The following B4GALT1 variants were observed in gnomAD, a reference collection of about 807,000 sequenced individuals.
B4GALT1 encodes N-acetyllactosamine synthase.
A neutral mutation model predicts 34.9 loss-of-function variants in B4GALT1; 16 were observed. That is an observed-to-expected ratio of 0.46 (90% CI 0.31 to 0.70). The LOEUF (loss-of-function observed/expected upper bound fraction) is 0.70. Ranked by LOEUF, B4GALT1 falls within the 30% of genes least tolerant of loss-of-function variation. The probability of loss-of-function intolerance (pLI) is 0.05; values close to 1 mark genes in which losing one functional copy is unlikely to be tolerated. For synonymous variants in B4GALT1, 221 were observed against 218.1 expected, an observed-to-expected ratio of 1.01 and a Z score of -0.12; for missense variants, 445 against 530.5, an observed-to-expected ratio of 0.84 and a Z score of 1.58.
chr9:33,184,253 T>C, the B4GALT1 span, among the ~76,000 whole-genome samples: 13 of 147,232 alleles, frequency 8.8e-5, no homozygotes, highest in African/African-American at 3.0e-4. Flanking sequence ...GTCACTCTTG[T>C]ACACACACAC....
chr9:33,104,894 A>C (rs1839783316), intron 2 of B4GALT1: 1 of 376,626 alleles, frequency 2.7e-6, no homozygotes. Context: ...AAGTAAATGA[A>C]CTGCAACTTC....
rs371945134 is a variant in B4GALT1, at chr9:33,104,755, C to T, written c.675G>A (p.Trp225Ter). Residue 225 changes from tryptophan (W) to a stop codon, truncating the protein, a stop_gained, in exon 3 of 3, where the codon TGG becomes TGA. Transcript: ENST00000535206. LOFTEE classifies it high-confidence loss of function. ...CAGAACAGACCAGGCGAAGCCTTCA[C>T]CACAGGAGTCTTCTTATTTTTTCAT... The T allele has an allele frequency of 3.7e-5, 17 of 455,978 alleles. No homozygotes were observed. Among genetic ancestry groups the T allele is most frequent in the Middle Eastern group, 3.3e-4 (1 of 3,066 alleles). 28.2% of individuals were successfully genotyped at this position (455,978 alleles called of 1,614,324 possible). A position where few individuals can be genotyped will look rare whatever the true frequency, so the allele number is the denominator to read the frequency against.
At chr9:33,180,786 G>A in the B4GALT1 span, among the ~76,000 whole-genome samples, 2 of 152,166 alleles carry the variant, frequency 1.3e-5, no homozygotes, top group African/African-American at 4.8e-5. Flanking sequence ...CCTCCATGGT[G>A]GGAGCTAGGG....
At position 33,167,091 on chromosome 9, in the gene B4GALT1, C is replaced by A. The variant is rs774128866; in HGVS notation, c.79G>T (p.Val27Leu). The A allele has an allele frequency of 1.9e-6, 3 of 1,604,656 alleles. No homozygotes were observed. Among genetic ancestry groups the A allele is most frequent in the East Asian group, 2.2e-5 (1 of 44,828 alleles). Reference protein sequence around the residue: ...ASLQRACRLLVAVCALHLGVT... With the variant: ...ASLQRACRLLLAVCALHLGVT... Reference sequence around the variant, plus strand: ...CCAAGGTGCAGAGCGCAGACGGCCACGAGCAGGCGGCAGGCCCGCTGTAGG... The same window carrying A: ...CCAAGGTGCAGAGCGCAGACGGCCAAGAGCAGGCGGCAGGCCCGCTGTAGG... The change falls in exon 1 of 6, where the codon GTG (valine) becomes TTG (leucine). Residue 27 changes from valine to leucine, a missense_variant. Val to Leu is a conservative substitution (Grantham distance 32). Coordinates refer to ENST00000379731, the MANE Select transcript of B4GALT1 (RefSeq NM_001497.4).
At chr9:33,168,140 C>T (rs1840799893), upstream of B4GALT1, among the ~76,000 whole-genome samples, 1 of 152,200 alleles carries the variant, frequency 6.6e-6, no homozygotes, top group African/African-American at 2.4e-5. Context: ...CATGAAGTAG[C>T]AGTTCTCCCC....
chr9:33,121,873 C>T (rs896168507), intron 2 of B4GALT1, among the ~76,000 whole-genome samples: 3 of 152,218 alleles, frequency 2.0e-5, no homozygotes, highest in African/African-American at 7.2e-5. Context: ...TGTGAGGGGT[C>T]ACCACAGGGA....
the B4GALT1 span, among the ~76,000 whole-genome samples, chr9:33,177,842 C>T: frequency 6.6e-6 from 1 of 152,162 alleles, no homozygotes; most frequent in African/African-American, 2.4e-5. Context: ...TAGTTGCCAA[C>T]TGGGAGCTCA....
At chr9:33,127,261 C>A (rs1840126426) in intron 2 of B4GALT1, among the ~76,000 whole-genome samples, 1 of 152,190 alleles carries the variant, frequency 6.6e-6, no homozygotes, top group African/African-American at 2.4e-5. Flanking sequence ...CCACGCCCAG[C>A]CAGAGGAGAC....
At chr9:33,180,299 T>C in the B4GALT1 span, among the ~76,000 whole-genome samples, 1 of 152,268 alleles carries the variant, frequency 6.6e-6, no homozygotes, top group East Asian at 1.9e-4. Context: ...TTTAGTAGGG[T>C]CCATAACTGA....
At chr9:33,158,193 C>A (rs570299996) in intron 1 of B4GALT1, among the ~76,000 whole-genome samples, 1 of 152,232 alleles carries the variant, frequency 6.6e-6, no homozygotes, top group Non-Finnish European at 1.5e-5. Context: ...CAGGCCCAGC[C>A]CACTCAAATT....
intron 2 of B4GALT1, among the ~76,000 whole-genome samples, chr9:33,122,368 A>C (rs1463898808): frequency 2.0e-5 from 3 of 151,860 alleles, no homozygotes; most frequent in Middle Eastern, 3.4e-3. Context: ...AAATTACAAA[A>C]ATTTGCCAGG....
chr9:33,150,447 A>T (rs778451590), intron 1 of B4GALT1, among the ~76,000 whole-genome samples: 44 of 152,190 alleles, frequency 2.9e-4, no homozygotes, highest in Non-Finnish European at 5.1e-4. Flanking sequence ...AAAACATATA[A>T]TCAAAATGAG....
At chr9:33,184,253 TACACACACACACACACAC>T in the B4GALT1 span, among the ~76,000 whole-genome samples, 5 of 147,116 alleles carry the variant, frequency 3.4e-5, no homozygotes, top group African/African-American at 5.0e-5. Flanking sequence ...GTCACTCTTG[TACACACACACACACACAC>T]ACACACACAC....
intron 2 of B4GALT1, among the ~76,000 whole-genome samples, chr9:33,129,480 T>C (rs1339747103): frequency 6.6e-6 from 1 of 152,118 alleles, no homozygotes; most frequent in Non-Finnish European, 1.5e-5. Context: ...GGCACAGATT[T>C]AGGCAGAAGA....
intron 1 of B4GALT1, among the ~76,000 whole-genome samples, chr9:33,150,270 C>T (rs62544385): frequency 1.5e-4 from 13 of 87,932 alleles, no homozygotes; most frequent in Admixed American, 4.7e-4. Context: ...ACACACAGAG[C>T]GAGAGAGAGA....
At chr9:33,107,061 T>C (rs997535382), downstream of B4GALT1, among the ~76,000 whole-genome samples, 3 of 152,172 alleles carry the variant, frequency 2.0e-5, no homozygotes, top group Non-Finnish European at 4.4e-5. Flanking sequence ...TGGGGTGTCA[T>C]GTTCCTCTGG....
In B4GALT1 at chr9:33,113,271, G is replaced by A. The variant is rs72720992; in HGVS notation, c.*183C>T. ...TTGCAGAGCTAAGAATTCACATGCC[G>A]AGCCAAGTTGGGGGCAAAATATCCC... On this transcript the variant is annotated 3_prime_UTR_variant, in exon 6 of 6. Transcript: ENST00000379731. 93 of 827,352 alleles carry A rather than the reference G, an allele frequency of 1.1e-4. No individual in the cohort carries two copies. The highest frequency in any genetic ancestry group is 4.2e-4 in the East Asian group (16 of 37,806). The allele number at this position is 827,352 out of a possible 1,614,324, so 51.3% of individuals were successfully genotyped here.
chr9:33,181,962 CTTTT>C, the B4GALT1 span, among the ~76,000 whole-genome samples: 3 of 142,228 alleles, frequency 2.1e-5, no homozygotes, highest in Non-Finnish European at 3.1e-5. Context: ...TCTTTTCTTT[CTTTT>C]TTTTTTTTTT....
intron 2 of B4GALT1, among the ~76,000 whole-genome samples, chr9:33,129,177 C>G (rs1027465064): frequency 3.3e-5 from 5 of 151,930 alleles, no homozygotes; most frequent in Non-Finnish European, 7.4e-5. Context: ...TTGCCTTACT[C>G]TGGGGGATGG....
Sources: gnomAD v4.1 joint callset for allele counts (sites outside exome capture counted in the v4.1 genomes callset) on GRCh38, gnomAD v4.1.1 for gene constraint, MANE v1.5 for transcripts, NCBI Gene and HGNC (gene_info 2026-07-23, HGNC 2026-07-21) for gene names.